ZNF644: variants seen among roughly 807,000 people sequenced by gnomAD.
The protein encoded by ZNF644 is zinc finger protein 644, also known as zinc finger motif enhancer binding protein 2.
Under a neutral mutation model 108.0 loss-of-function variants are expected in ZNF644, and 20 were observed. The ratio of observed to expected loss-of-function variants is 0.19; its 90% CI spans 0.13 to 0.27. The LOEUF is 0.27. Among genes scored for constraint, ZNF644 ranks in the 10% least tolerant of loss-of-function variants. The pLI, the probability that ZNF644 is intolerant of heterozygous loss-of-function variation, is 1.00. For missense variants in ZNF644, 1,338 were observed against 1,548.9 expected, an observed-to-expected ratio of 0.86 and a Z score of 2.29; for synonymous variants, 542 against 539.1, an observed-to-expected ratio of 1.01 and a Z score of -0.08.
intron 1 of ZNF644, among the ~76,000 whole-genome samples, chr1:91,004,275 A>T: frequency 6.6e-6 from 1 of 152,194 alleles, no homozygotes; most frequent in Non-Finnish European, 1.5e-5. Context: ...ATCATCATAA[A>T]ACTGCTGAAA....
chr1:90,993,301 G>A lies in ZNF644; in HGVS notation c.-17-10931C>T, dbSNP rs994880140. ...CACATCCTAGACCAAACTACAGCCA[G>A]CTCAATATAGGCCATCCTAGATCAA... On this transcript the variant is annotated intron_variant, in intron 1 of 5. Transcript: ENST00000337393. Among the ~76,000 whole-genome samples, 3 of 151,524 alleles carry A rather than the reference G, an allele frequency of 2.0e-5. No homozygotes were observed. The Admixed American group carries it at 2.0e-4, about 10-fold the overall frequency.
chr1:90,984,851 A>C (rs1409688667), intron 1 of ZNF644, among the ~76,000 whole-genome samples: 1 of 152,190 alleles, frequency 6.6e-6, no homozygotes, highest in East Asian at 1.9e-4. Context: ...TGTGTAAGCC[A>C]CCCAGTCTGT....
At chr1:90,980,273 T>C (rs570916692) in intron 2 of ZNF644, among the ~76,000 whole-genome samples, 1 of 152,302 alleles carries the variant, frequency 6.6e-6, no homozygotes, top group East Asian at 1.9e-4. Flanking sequence ...TTTCAGAAGA[T>C]AAGCTGACAA....
chr1:90,940,897 A>G lies in ZNF644; in HGVS notation c.457T>C (p.Ser153Pro). The change falls in exon 3 of 6, where the codon TCA becomes CCA. Residue 153 changes from serine to proline, a missense_variant. Ser to Pro is a moderately conservative substitution (Grantham distance 74). Transcript: ENST00000337393. ...AGATCAGCTGCTACCTTCAAAGTTGAACAAGATTCTGTTGTTGGCTGATCC... is the reference window on the plus strand; with the variant it reads ...AGATCAGCTGCTACCTTCAAAGTTGGACAAGATTCTGTTGTTGGCTGATCC... ...PVDQPTTESC[S>P]TLKVAADLQL... 1 of 1,614,094 alleles carries G rather than the reference A, an allele frequency of 6.2e-7. No individual in the cohort carries two copies. The highest frequency in any genetic ancestry group is 1.1e-5 in the South Asian group (1 of 91,080).
intron 4 of ZNF644, among the ~76,000 whole-genome samples, chr1:90,921,299 C>T (rs1033452049): frequency 6.6e-5 from 10 of 151,984 alleles, no homozygotes; most frequent in African/African-American, 2.4e-4. Context: ...TGATAAACAG[C>T]CAAAGCTTTA....
At chr1:91,005,886 A>AC (rs2101714720) in intron 1 of ZNF644, among the ~76,000 whole-genome samples, 1 of 151,992 alleles carries the variant, frequency 6.6e-6, no homozygotes, top group Admixed American at 6.5e-5. Context: ...AAAGCAGACA[A>AC]AAGAAAAAAT....
Position 90,938,796 on chromosome 1 carries a change from T to C in ZNF644, c.2558A>G (p.Tyr853Cys). ...CCAGGAACTTTCATCTTCTGTTTCA[T>C]AACTATCTTTCTTTTCAGCAGAATT... Reference protein sequence around the residue: ...KLNSAEKKDSYETEDESSWDN... With the variant: ...KLNSAEKKDSCETEDESSWDN... Residue 853 changes from tyrosine to cysteine, a missense_variant, in exon 3 of 6, where the codon TAT (tyrosine) becomes TGT (cysteine). By Grantham distance (194) the Tyr-to-Cys change is radical. Transcript: ENST00000337393. The surrounding 1 kb of genome is among the most constrained non-coding windows in gnomAD (Gnocchi z 4.2). The C allele has an allele frequency of 4.3e-6, 7 of 1,613,882 alleles. No homozygotes were observed. Among genetic ancestry groups the C allele is most frequent in the Non-Finnish European group, 5.9e-6 (7 of 1,179,936 alleles).
intron 1 of ZNF644, among the ~76,000 whole-genome samples, chr1:91,008,924 T>G (rs1411939674): frequency 1.3e-5 from 2 of 152,124 alleles, no homozygotes; most frequent in African/African-American, 4.8e-5. Context: ...GGAAAGGACT[T>G]CATCAGTACT....
chr1:90,973,091 AT>A (rs1341038281), intron 2 of ZNF644: 1 of 152,074 alleles, frequency 6.6e-6, no homozygotes, highest in African/African-American at 2.4e-5. Flanking sequence ...AATGGTTAAA[AT>A]GGCAAATTTC....
rs577966817 is a variant in ZNF644 at position 91,010,236 on chromosome 1, CTT to C, written c.-18+11752_-18+11753del. On this transcript the variant is annotated intron_variant, in intron 1 of 5. Coordinates refer to ENST00000337393, the MANE Select transcript of ZNF644 (RefSeq NM_201269.3). Reference sequence around the variant, plus strand: ...CATTCCACAATTCTCATGTCTGTGCCTTTTTTTTTTTTTTTTTTTCTGAGACA... The same window carrying C: ...CATTCCACAATTCTCATGTCTGTGCCTTTTTTTTTTTTTTTTTCTGAGACA... Among the ~76,000 whole-genome samples, 826 of 129,870 alleles carry C rather than the reference CTT, an allele frequency of 6.4e-3. 8 individuals carry two copies. The highest frequency in any genetic ancestry group is 0.022 in the African/African-American group (764 of 35,360). 85.2% of individuals were successfully genotyped at this position (129,870 alleles called of 152,430 possible).
At chr1:90,995,307 G>A (rs1271471316) in intron 1 of ZNF644, among the ~76,000 whole-genome samples, 1 of 152,132 alleles carries the variant, frequency 6.6e-6, no homozygotes, top group Admixed American at 6.5e-5. Context: ...AAGAATTGGT[G>A]AGTTTGAAGA....
chr1:90,998,199 T>C (rs1658371803), intron 1 of ZNF644, among the ~76,000 whole-genome samples: 2 of 152,184 alleles, frequency 1.3e-5, no homozygotes, highest in South Asian at 2.1e-4. Context: ...AAGCGAGTAG[T>C]GGTTCTCCCA....
Position 90,941,011 on chromosome 1 carries a change from C to T in ZNF644, c.343G>A (p.Ala115Thr), listed in dbSNP as rs781693399. 6 of 1,614,090 alleles carry T rather than the reference C, an allele frequency of 3.7e-6. No individual in the cohort carries two copies. In the South Asian group the frequency reaches 4.4e-5, roughly 12 times the overall value. The change falls in exon 3 of 6, where the codon GCT (alanine) becomes ACT (threonine). Residue 115 changes from alanine (A) to threonine (T), a missense_variant. Transcript: ENST00000337393. ...SENFILPKGA[A>T]VNGPVSHSSL... ...GAGTGTGAAACTGGTCCATTAACAG[C>T]AGCTCCTTTAGGCAAGATAAAGTTT...
intron 2 of ZNF644, among the ~76,000 whole-genome samples, chr1:90,947,550 T>C (rs1386003830): frequency 6.6e-6 from 1 of 152,178 alleles, no homozygotes; most frequent in Non-Finnish European, 1.5e-5. Context: ...TGCCATAAAT[T>C]GTCATTTTAC....
intron 1 of ZNF644, among the ~76,000 whole-genome samples, chr1:91,019,287 T>C (rs920809529): frequency 6.6e-6 from 1 of 152,322 alleles, no homozygotes; most frequent in South Asian, 2.1e-4. Context: ...ACCAAAACAC[T>C]ATTACAAAAT....
chr1:90,972,348 C>T lies in ZNF644; in HGVS notation c.44+9962G>A, dbSNP rs532492828. Among the ~76,000 whole-genome samples the T allele has an allele frequency of 3.3e-5, 5 of 152,288 alleles. No homozygotes were observed. The South Asian group carries it at 1.0e-3, about 32-fold the overall frequency. On this transcript the variant is annotated intron_variant, in intron 2 of 5. Transcript: ENST00000337393. Reference sequence around the variant, plus strand: ...ACTTGAATAGACATTTCTCCAAGGACATTCATATGGCCAATAAGCATATGA... The same window carrying T: ...ACTTGAATAGACATTTCTCCAAGGATATTCATATGGCCAATAAGCATATGA...
At chr1:90,976,385 C>T (rs150989541) in intron 2 of ZNF644, among the ~76,000 whole-genome samples, 28 of 152,244 alleles carry the variant, frequency 1.8e-4, no homozygotes, top group African/African-American at 6.5e-4. Context: ...ACATATAGCA[C>T]AGTGCCTAGA....
chr1:91,012,832 T>C (rs965976709), intron 1 of ZNF644, among the ~76,000 whole-genome samples: 1 of 149,598 alleles, frequency 6.7e-6, no homozygotes, highest in East Asian at 2.0e-4. Context: ...CTTCACTGTA[T>C]GTTATACCTA....
chr1:90,973,325 A>T (rs1450974314), intron 2 of ZNF644: 1 of 152,024 alleles, frequency 6.6e-6, no homozygotes, highest in Non-Finnish European at 1.5e-5. Context: ...TTCTTATGTT[A>T]TTTCACTGAA....
Sources: gnomAD v4.1 joint callset for allele counts (sites outside exome capture counted in the v4.1 genomes callset) on GRCh38, gnomAD v4.1.1 for gene constraint, Gnocchi (gnomAD v3.1) non-coding constraint, MANE v1.5 for transcripts, NCBI Gene and HGNC (gene_info 2026-07-23, HGNC 2026-07-21) for gene names.